Variants in NSUN6 observed in about 807,000 individuals in gnomAD.
The protein encoded by NSUN6 is tRNA (cytosine(72)-C(5))-methyltransferase NSUN6.
Under a neutral mutation model 58.0 loss-of-function variants are expected in NSUN6, and 64 were observed. The ratio of observed to expected loss-of-function variants is 1.10; its 90% CI spans 0.90 to 1.36. NSUN6 has a LOEUF of 1.36. Among genes scored for constraint, NSUN6 ranks in the 40% most tolerant of loss-of-function variants. The pLI, the probability that NSUN6 is intolerant of heterozygous loss-of-function variation, is 0.00. For missense variants in NSUN6, 701 were observed against 550.1 expected, an observed-to-expected ratio of 1.27 and a Z score of -2.74; for synonymous variants, 231 against 193.9, an observed-to-expected ratio of 1.19 and a Z score of -1.59.
At chr10:18,618,758 C>T (rs1369982413) in intron 3 of NSUN6, among the ~76,000 whole-genome samples, 1 of 148,356 alleles carries the variant, frequency 6.7e-6, no homozygotes, top group African/African-American at 2.5e-5. Context: ...TAATTTCTCT[C>T]TGCTGCATTC....
At chr10:18,622,194 G>A (rs950822505) in intron 3 of NSUN6, among the ~76,000 whole-genome samples, 111 of 152,234 alleles carry the variant, frequency 7.3e-4, no homozygotes, top group Non-Finnish European at 4.9e-4. Context: ...AATTAGTTAT[G>A]AGGGTAGAAT....
At chr10:18,582,421 T>A (rs2056945448) in intron 8 of NSUN6, among the ~76,000 whole-genome samples, 1 of 152,098 alleles carries the variant, frequency 6.6e-6, no homozygotes, top group African/African-American at 2.4e-5. Context: ...TAACGGAGAT[T>A]GTGGTGGTGA....
At chr10:18,657,870 C>T (rs1277846021), upstream of NSUN6, among the ~76,000 whole-genome samples, 1 of 152,046 alleles carries the variant, frequency 6.6e-6, no homozygotes, top group Non-Finnish European at 1.5e-5. Flanking sequence ...CCTCAGCCTC[C>T]CAAAGTGCTG....
chr10:18,553,293 C>T (rs971986823), intron 8 of NSUN6, among the ~76,000 whole-genome samples: 9 of 151,784 alleles, frequency 5.9e-5, no homozygotes, highest in South Asian at 2.1e-4. Flanking sequence ...TATTCCGTTC[C>T]GTTCTCCATT....
intron 2 of NSUN6, among the ~76,000 whole-genome samples, chr10:18,645,148 A>G (rs1390324881): frequency 1.5e-5 from 2 of 129,862 alleles, no homozygotes. Flanking sequence ...ACAGAGCGAG[A>G]CTCCCTCTCA....
intron 7 of NSUN6, among the ~76,000 whole-genome samples, chr10:18,593,677 G>A (rs2057464162): frequency 6.6e-6 from 1 of 152,026 alleles, no homozygotes; most frequent in African/African-American, 2.4e-5. Context: ...TGGACACAGG[G>A]AGGGGAACAT....
chr10:18,628,063 G>C (rs928280895), intron 3 of NSUN6, among the ~76,000 whole-genome samples: 6 of 152,198 alleles, frequency 3.9e-5, no homozygotes, highest in Non-Finnish European at 8.8e-5. Context: ...GGAGATCTGA[G>C]AACGGGCAGA....
Position 18,616,246 on chromosome 10 carries a change from C to A in NSUN6, c.359G>T (p.Cys120Phe). The change falls in exon 4 of 11, where the codon TGT (cysteine) becomes TTT (phenylalanine). Residue 120 changes from cysteine to phenylalanine, a missense_variant. Transcript: ENST00000377304. ...QQCEAIVGAQ[C>F]GNAVLRGAHV... is the part of the protein sequence containing the mutation. ...GGCTCCTCTTAAAACTGCATTGCCA[C>A]ACTGGGCTCCAACAATGGCTTCACA... 2 of 1,611,818 alleles carry A rather than the reference C, an allele frequency of 1.2e-6. No homozygotes were observed. Among genetic ancestry groups the A allele is most frequent in the Non-Finnish European group, 1.7e-6 (2 of 1,177,938 alleles).
At chr10:18,576,243 G>A (rs2131024822) in intron 8 of NSUN6, among the ~76,000 whole-genome samples, 1 of 152,190 alleles carries the variant, frequency 6.6e-6, no homozygotes, top group East Asian at 1.9e-4. Context: ...TACTGCATTT[G>A]ATGCTTGCCT....
intron 3 of NSUN6, among the ~76,000 whole-genome samples, chr10:18,637,547 G>C (rs2059258882): frequency 6.6e-6 from 1 of 152,210 alleles, no homozygotes; most frequent in African/African-American, 2.4e-5. Context: ...AAACAAACTG[G>C]TAAAACTTTG....
intron 8 of NSUN6, among the ~76,000 whole-genome samples, chr10:18,573,998 G>T (rs905756878): frequency 1.3e-5 from 2 of 152,068 alleles, no homozygotes; most frequent in African/African-American, 4.8e-5. Context: ...TCAAGTCGAG[G>T]AGCTGAAGGA....
chr10:18,632,680 G>C (rs2059075736), intron 3 of NSUN6, among the ~76,000 whole-genome samples: 1 of 152,206 alleles, frequency 6.6e-6, no homozygotes, highest in Admixed American at 6.5e-5. Context: ...GGCCATCAGA[G>C]AAATGCAAAT....
At chr10:18,638,673 C>T (rs12764299) in intron 3 of NSUN6, among the ~76,000 whole-genome samples, 16,950 of 151,992 alleles carry the variant, frequency 0.11, 1,293 homozygotes, top group Admixed American at 0.17. Flanking sequence ...AAGGGAAATA[C>T]TATGTGGCCT....
In NSUN6 at chr10:18,617,114, C is replaced by A. The variant is rs116279761; in HGVS notation, c.312-821G>T. On this transcript the variant is annotated intron_variant, in intron 3 of 10. Coordinates refer to ENST00000377304, the MANE Select transcript of NSUN6 (RefSeq NM_182543.5). ...ATCTCTACTCACCTTGCATTCTATCCCTTGGCAATCTCATGATTTCAATAA... is the reference window on the plus strand; with the variant it reads ...ATCTCTACTCACCTTGCATTCTATCACTTGGCAATCTCATGATTTCAATAA... 3.3e-3 allele frequency among the ~76,000 whole-genome samples: 502 copies of A among 152,174 alleles called. 4 individuals carry two copies. The highest frequency in any genetic ancestry group is 0.011 in the African/African-American group (476 of 41,510).
intron 3 of NSUN6, among the ~76,000 whole-genome samples, chr10:18,638,947 T>TAAAAAAAAAA (rs35673571): frequency 1.9e-5 from 2 of 107,072 alleles, no homozygotes; most frequent in Non-Finnish European, 3.6e-5. Flanking sequence ...TTGACAATGT[T>TAAAAAAAAAA]AAAAAAAAAA....
chr10:18,591,608 A>G (rs2057379781), intron 7 of NSUN6, among the ~76,000 whole-genome samples: 1 of 152,176 alleles, frequency 6.6e-6, no homozygotes, highest in African/African-American at 2.4e-5. Flanking sequence ...TAAACAACCA[A>G]TGACAAAAAC....
chr10:18,571,527 A>ACTCC (rs1182686020), intron 8 of NSUN6, among the ~76,000 whole-genome samples: 2 of 138,274 alleles, frequency 1.4e-5, no homozygotes, highest in African/African-American at 5.5e-5. Flanking sequence ...TCCATTCCCC[A>ACTCC]CTCCATTCTC....
intron 2 of NSUN6, among the ~76,000 whole-genome samples, chr10:18,644,372 C>T (rs1451544799): frequency 6.6e-6 from 1 of 152,162 alleles, no homozygotes; most frequent in Non-Finnish European, 1.5e-5. Context: ...AATGCAGGCT[C>T]ACAACACAGT....
chr10:18,570,617 C>T (rs1248217802), intron 8 of NSUN6, among the ~76,000 whole-genome samples: 1 of 135,678 alleles, frequency 7.4e-6, no homozygotes, highest in Non-Finnish European at 1.7e-5. Context: ...CATTCCATTC[C>T]ATTCTCCATT....
Sources: gnomAD v4.1 joint callset for allele counts (sites outside exome capture counted in the v4.1 genomes callset) on GRCh38, gnomAD v4.1.1 for gene constraint, MANE v1.5 for transcripts, NCBI Gene and HGNC (gene_info 2026-07-23, HGNC 2026-07-21) for gene names.